The following SMARCC1 variants were observed in gnomAD, a reference collection of about 807,000 sequenced individuals.
SMARCC1 encodes SWI/SNF complex subunit SMARCC1.
SMARCC1 carries 43 observed loss-of-function variants against 147.4 expected under a neutral mutation model. The observed-to-expected ratio is 0.29, with a 90% confidence interval of 0.23 to 0.38. The LOEUF is 0.38. SMARCC1 is among the 10% of genes least tolerant of loss of function. The pLI, the probability that SMARCC1 is intolerant of heterozygous loss-of-function variation, is 1.00. For missense variants in SMARCC1, 1,119 were observed against 1,381.1 expected (o/e 0.81, Z 3.01); for synonymous variants, 495 against 484.4 (o/e 1.02, Z -0.29).
chr3:47,656,913 C>G (rs888003777), intron 21 of SMARCC1, among the ~76,000 whole-genome samples: 26 of 152,020 alleles, frequency 1.7e-4, no homozygotes, highest in African/African-American at 5.8e-4. Context: ...GAGTCAGACT[C>G]CATCTCAACA....
chr3:47,680,375 T>C, intron 15 of SMARCC1, 62 bp downstream of exon 15: 1 of 1,092,876 alleles, frequency 9.2e-7, no homozygotes, highest in African/African-American at 1.6e-5. Context: ...CTCAGGTGGA[T>C]GCTTGAAGAG....
intron 6 of SMARCC1, among the ~76,000 whole-genome samples, chr3:47,723,355 G>GTTTTTTTTTTTT (rs71070218): frequency 1.9e-5 from 2 of 106,676 alleles, no homozygotes; most frequent in Non-Finnish European, 1.9e-5. Context: ...TTTTTGTTGG[G>GTTTTTTTTTTTT]TTTTTTTTTT....
At chr3:47,685,030 T>C (rs2033702999) in intron 14 of SMARCC1, among the ~76,000 whole-genome samples, 1 of 152,204 alleles carries the variant, frequency 6.6e-6, no homozygotes. Context: ...ACAATTCTTT[T>C]TAAGTCGGAA....
chr3:47,610,266 T>C lies in SMARCC1; in HGVS notation c.2843A>G (p.Lys948Arg), dbSNP rs1160059767. Residue 948 changes from lysine to arginine, a missense_variant, in exon 26 of 28, where the codon AAG (lysine) becomes AGG (arginine). Transcript: ENST00000254480. ...CTGTCGTGCTCGTAATTCAGCATAC[T>C]TCAGCTGTTCCATGTGGAAGTTTTG... ...ERQNFHMEQL[K>R]YAELRARQQM... 11 of 1,614,104 alleles carry C rather than the reference T, an allele frequency of 6.8e-6. No individual in the cohort carries two copies. Among genetic ancestry groups the C allele is most frequent in the Non-Finnish European group, 8.5e-6 (10 of 1,180,050 alleles).
intron 1 of SMARCC1, among the ~76,000 whole-genome samples, chr3:47,778,466 C>G (rs1019854120): frequency 6.6e-6 from 1 of 151,800 alleles, no homozygotes; most frequent in Non-Finnish European, 1.5e-5. Context: ...GTGCATGCCA[C>G]CACAACTGAT....
At chr3:47,740,176 A>ATTTTTTTTT (rs1392460197) in intron 3 of SMARCC1, among the ~76,000 whole-genome samples, 1 of 72,594 alleles carries the variant, frequency 1.4e-5, no homozygotes, top group African/African-American at 4.7e-5. Context: ...ACGCCCGGCC[A>ATTTTTTTTT]TCTTTTTTTT....
At chr3:47,671,196 A>AAACAAAAAAAAAAAC (rs1553682000) in intron 18 of SMARCC1, among the ~76,000 whole-genome samples, 2 of 81,144 alleles carry the variant, frequency 2.5e-5, no homozygotes, top group East Asian at 4.8e-4. Context: ...AAAAAAAAAA[A>AAACAAAAAAAAAAAC]AACACACACA....
intron 11 of SMARCC1, among the ~76,000 whole-genome samples, chr3:47,695,762 CAAAAAAA>C (rs755840430): frequency 1.7e-5 from 1 of 59,950 alleles, no homozygotes; most frequent in Non-Finnish European, 3.1e-5. Context: ...GATTCTGTCT[CAAAAAAA>C]AAAAAAAAAA....
At position 47,633,763 on chromosome 3, in the gene SMARCC1, A is replaced by AAT. The variant is rs1203888918; in HGVS notation, c.2646+1425_2646+1426dup. Reference sequence around the variant, plus strand: ...TCTCAAAAAAAAAAAAAAAAAAAAAAATATATATATATATATACACACACA... The same window carrying AAT: ...TCTCAAAAAAAAAAAAAAAAAAAAAAATATATATATATATATATACACACACA... On this transcript the variant is annotated intron_variant, in intron 24 of 27. Transcript: ENST00000254480. 6.5e-3 allele frequency among the ~76,000 whole-genome samples: 206 copies of AAT among 31,692 alleles called. 10 individuals are homozygous for AAT. Among genetic ancestry groups the AAT allele is most frequent in the Admixed American group, 8.2e-3 (18 of 2,208 alleles). The allele number at this position is 31,692 out of a possible 152,430, so 20.8% of individuals were successfully genotyped here.
chr3:47,608,419 G>A (rs562259207), intron 26 of SMARCC1, among the ~76,000 whole-genome samples: 4 of 152,108 alleles, frequency 2.6e-5, no homozygotes, highest in African/African-American at 9.7e-5. Flanking sequence ...AATTCTGAAC[G>A]CTCAATTCTA....
intron 2 of SMARCC1, among the ~76,000 whole-genome samples, chr3:47,766,627 T>C (rs2034844050): frequency 1.3e-5 from 2 of 152,208 alleles, no homozygotes; most frequent in South Asian, 2.1e-4. Context: ...GTTTACATTA[T>C]GTATGCACAC....
At chr3:47,759,159 C>T (rs1190841357) in intron 2 of SMARCC1, among the ~76,000 whole-genome samples, 1 of 151,748 alleles carries the variant, frequency 6.6e-6, no homozygotes, top group Non-Finnish European at 1.5e-5. Flanking sequence ...CGACAGGGGC[C>T]CTCCCAAACG....
At chr3:47,772,762 CTA>C in intron 2 of SMARCC1, 53 bp downstream of exon 2, 1 of 1,499,280 alleles carries the variant, frequency 6.7e-7, no homozygotes, top group Non-Finnish European at 9.0e-7. Flanking sequence ...GATGCTACAC[CTA>C]AAAGTATACA....
chr3:47,657,932 C>T (rs949725362), intron 21 of SMARCC1, among the ~76,000 whole-genome samples: 46 of 152,056 alleles, frequency 3.0e-4, no homozygotes, highest in African/African-American at 1.1e-3. Context: ...TAAACACCTA[C>T]ATTACTAAAT....
intron 15 of SMARCC1, among the ~76,000 whole-genome samples, chr3:47,679,220 A>G (rs1359428414): frequency 6.6e-6 from 1 of 152,032 alleles, no homozygotes; most frequent in Non-Finnish European, 1.5e-5. Flanking sequence ...CTCAAAAAAA[A>G]AAAAAAAAAG....
intron 10 of SMARCC1, among the ~76,000 whole-genome samples, chr3:47,703,442 C>A (rs747007539): frequency 3.6e-4 from 49 of 136,250 alleles, no homozygotes; most frequent in Non-Finnish European, 6.3e-4. Flanking sequence ...CTAATTTAAA[C>A]CCCTAATTTA....
At chr3:47,629,763 G>A (rs1437685371) in intron 24 of SMARCC1, among the ~76,000 whole-genome samples, 1 of 152,132 alleles carries the variant, frequency 6.6e-6, no homozygotes, top group Non-Finnish European at 1.5e-5. Flanking sequence ...GTAGTACTGA[G>A]TGACTCTAGT....
chr3:47,649,191 G>T (rs2033156709), intron 21 of SMARCC1, among the ~76,000 whole-genome samples: 1 of 152,214 alleles, frequency 6.6e-6, no homozygotes, highest in Admixed American at 6.5e-5. Context: ...ATCAAATATG[G>T]TTCCACATTT....
At chr3:47,703,843 C>G (rs980792102) in intron 10 of SMARCC1, among the ~76,000 whole-genome samples, 1 of 152,204 alleles carries the variant, frequency 6.6e-6, no homozygotes, top group Non-Finnish European at 1.5e-5. Context: ...GTCACCCAGG[C>G]TAGAGTGCAG....
Sources: allele counts gnomAD v4.1 joint callset (sites outside exome capture counted in the v4.1 genomes callset), GRCh38; gene constraint gnomAD v4.1.1; transcripts MANE v1.5; gene names NCBI Gene and HGNC (gene_info 2026-07-23, HGNC 2026-07-21).